Variants in FBXL2 observed in about 807,000 individuals in gnomAD.
The protein encoded by FBXL2 is F-box/LRR-repeat protein 2.
FBXL2 carries 38 observed loss-of-function variants against 69.2 expected under a neutral mutation model. The observed-to-expected ratio is 0.55, with a 90% CI of 0.42 to 0.72. The LOEUF (loss-of-function observed/expected upper bound fraction) is 0.72. Among genes scored for constraint, FBXL2 ranks in the 30% least tolerant of loss-of-function variants. FBXL2 has a pLI of 0.00. For missense variants in FBXL2, 354 were observed against 520.3 expected, an observed-to-expected ratio of 0.68 and a Z score of 3.11; for synonymous variants, 192 against 201.3, an observed-to-expected ratio of 0.95 and a Z score of 0.39.
intron 2 of FBXL2, among the ~76,000 whole-genome samples, chr3:33,300,189 T>C (rs2036146430): frequency 1.3e-5 from 2 of 152,294 alleles, no homozygotes; most frequent in African/African-American, 2.4e-5. Flanking sequence ...GGCTACTAAC[T>C]GAATGGTTTT....
At chr3:33,405,187 G>A (rs946850605), downstream of FBXL2, among the ~76,000 whole-genome samples, 1 of 151,800 alleles carries the variant, frequency 6.6e-6, no homozygotes, top group African/African-American at 2.4e-5. Context: ...AAATAAATAA[G>A]AAAAAAATTT....
chr3:33,277,429 G>C (rs957593360), upstream of FBXL2: 30 of 1,241,950 alleles, frequency 2.4e-5, no homozygotes, highest in Non-Finnish European at 2.4e-5. Context: ...ACGGGGCGGG[G>C]CGCCTGGCTG....
chr3:33,398,933 T>C (rs188953911), intron 12 of FBXL2, among the ~76,000 whole-genome samples: 24 of 152,368 alleles, frequency 1.6e-4, no homozygotes, highest in Non-Finnish European at 3.2e-4. Flanking sequence ...TATAAAAATG[T>C]AGTCCCCAGC....
intron 2 of FBXL2, among the ~76,000 whole-genome samples, chr3:33,342,064 G>A (rs1261373662): frequency 7.0e-6 from 1 of 143,538 alleles, no homozygotes; most frequent in South Asian, 2.2e-4. Context: ...GAGTGCAGTG[G>A]CACGATCTCG....
chr3:33,377,182 C>A, intron 10 of FBXL2, 91 bp from the exon 11 acceptor site: 2 of 1,228,112 alleles, frequency 1.6e-6, no homozygotes, highest in Non-Finnish European at 2.4e-6. Flanking sequence ...TGTCAAAGAG[C>A]AGAAAAGACT....
At chr3:33,366,063 CTT>C (rs1302395098) in intron 5 of FBXL2, among the ~76,000 whole-genome samples, 2 of 152,270 alleles carry the variant, frequency 1.3e-5, no homozygotes, top group East Asian at 3.9e-4. Context: ...AAAACACTCA[CTT>C]TAAATGTTAT....
chr3:33,346,662 G>T (rs1178886645), intron 2 of FBXL2, among the ~76,000 whole-genome samples: 1 of 152,100 alleles, frequency 6.6e-6, no homozygotes, highest in African/African-American at 2.4e-5. Context: ...CCAAAAGCCA[G>T]TTCTTTGAAA....
intron 3 of FBXL2, 92 bp from the exon 4 acceptor site, chr3:33,359,191 G>A (rs2041432517): frequency 8.7e-7 from 1 of 1,155,744 alleles, no homozygotes; most frequent in South Asian, 1.6e-5. Flanking sequence ...ATAGGAGTTT[G>A]GAAATAAAGG....
Position 33,373,341 on chromosome 3 carries a change from C to T in FBXL2, c.441C>T (p.Ser147=), listed in dbSNP as rs910909537. The part of the protein sequence containing the change: ...LTSCVSITNS[S]LKGISEGCRN... ...CCTGTGTGTCTATTACAAACAGCTC[C>T]TTGAAGGGGATCAGGTAAGAGTGCC... The change falls in exon 7 of 15, where the codon TCC becomes TCT. Residue 147 remains serine, a synonymous_variant. Coordinates refer to ENST00000484457, the MANE Select transcript of FBXL2 (RefSeq NM_012157.5). The T allele has an allele frequency of 2.5e-6, 4 of 1,611,998 alleles. No homozygotes were observed. The highest frequency in any genetic ancestry group is 2.7e-5 in the African/African-American group (2 of 74,874).
At chr3:33,404,136 G>A (rs2044348559), downstream of FBXL2, among the ~76,000 whole-genome samples, 1 of 152,182 alleles carries the variant, frequency 6.6e-6, no homozygotes, top group East Asian at 1.9e-4. Context: ...AATGAGGCCG[G>A]GCGCGGTGGC....
intron 2 of FBXL2, among the ~76,000 whole-genome samples, chr3:33,357,710 T>C (rs1241418088): frequency 6.6e-6 from 1 of 152,092 alleles, no homozygotes; most frequent in Non-Finnish European, 1.5e-5. Context: ...TTTGTATTTT[T>C]AGTAGAGATG....
chr3:33,389,428 A>C (rs1197240191), downstream of FBXL2: 2 of 127,442 alleles, frequency 1.6e-5, no homozygotes, highest in Non-Finnish European at 3.2e-5. Context: ...ACCTATTTCC[A>C]ATGTCTGGGG....
chr3:33,364,836 A>G (rs375653769), intron 5 of FBXL2, 117 bp downstream of exon 5: 5 of 946,636 alleles, frequency 5.3e-6, no homozygotes, highest in East Asian at 2.4e-5. Context: ...GGTAATTTGC[A>G]TAGAGTAATG....
chr3:33,373,220 C>A, intron 6 of FBXL2, 40 bp from the exon 7 acceptor site: 1 of 1,610,720 alleles, frequency 6.2e-7, no homozygotes, highest in Non-Finnish European at 8.5e-7. Flanking sequence ...GGGAGAGAAA[C>A]GTGGTTGAAA....
At chr3:33,316,326 C>T (rs1406576205) in intron 2 of FBXL2, among the ~76,000 whole-genome samples, 2 of 151,892 alleles carry the variant, frequency 1.3e-5, no homozygotes, top group Non-Finnish European at 2.9e-5. Flanking sequence ...CCCAAAGTGC[C>T]GAGATTACAG....
chr3:33,407,092 G>C (rs1289461938), downstream of FBXL2, among the ~76,000 whole-genome samples: 1 of 152,156 alleles, frequency 6.6e-6, no homozygotes, highest in African/African-American at 2.4e-5. Flanking sequence ...TCCTTTTTAA[G>C]TGACAATCTG....
At chr3:33,294,710 G>A (rs2125708471) in intron 1 of FBXL2, among the ~76,000 whole-genome samples, 1 of 152,056 alleles carries the variant, frequency 6.6e-6, no homozygotes, top group South Asian at 2.1e-4. Flanking sequence ...GGGTGTAGTG[G>A]CATGTACCTG....
chr3:33,344,859 C>A (rs1368822443), intron 2 of FBXL2, among the ~76,000 whole-genome samples: 1 of 152,012 alleles, frequency 6.6e-6, no homozygotes, highest in Non-Finnish European at 1.5e-5. Flanking sequence ...ATACCAGAAA[C>A]AAAAGGGGGA....
the FBXL2 span, chr3:33,416,942 T>G: frequency 2.1e-6 from 2 of 947,214 alleles, no homozygotes; most frequent in Non-Finnish European, 3.2e-6. Flanking sequence ...CAATGATAGT[T>G]TGTTAATTTG....
Sources: gnomAD v4.1 joint callset for allele counts (sites outside exome capture counted in the v4.1 genomes callset) on GRCh38, gnomAD v4.1.1 for gene constraint, MANE v1.5 for transcripts, NCBI Gene and HGNC (gene_info 2026-07-23, HGNC 2026-07-21) for gene names.